SCAF8: variants seen among roughly 807,000 people sequenced by gnomAD.
SCAF8 encodes the protein SR-related and CTD-associated factor 8.
Under a neutral mutation model 140.5 loss-of-function variants are expected in SCAF8, and 23 were observed. The observed-to-expected ratio is 0.16, with a 90% CI of 0.12 to 0.23. The LOEUF (loss-of-function observed/expected upper bound fraction) is 0.23. SCAF8 is among the 10% of genes least tolerant of loss of function. The pLI is 1.00. For synonymous variants in SCAF8, 575 were observed against 528.9 expected, an observed-to-expected ratio of 1.09 and a Z score of -1.20; for missense variants, 1,397 against 1,555.7, an observed-to-expected ratio of 0.90 and a Z score of 1.72.
Position 154,832,433 on chromosome 6 carries a change from A to G in SCAF8, c.2854A>G (p.Ile952Val), listed in dbSNP as rs911415085. 5.0e-6 allele frequency: 8 copies of G among 1,614,108 alleles called. No homozygotes were observed. Among genetic ancestry groups the G allele is most frequent in the Non-Finnish European group, 6.8e-6 (8 of 1,179,990 alleles). Residue 952 changes from isoleucine to valine, a missense_variant, in exon 20 of 20, where the codon ATC becomes GTC. Coordinates refer to ENST00000367178, the MANE Select transcript of SCAF8 (RefSeq NM_014892.5). ...GCCTGGAATTCCACCCCAACGGGGA[A>G]TCCCACCCCCATCGGTACTTGATTC... ...IQPGIPPQRG[I>V]PPPSVLDSAL...
chr6:154,736,233 TGTG>T (rs989451992), intron 1 of SCAF8, among the ~76,000 whole-genome samples: 75 of 150,492 alleles, frequency 5.0e-4, no homozygotes, highest in East Asian at 3.0e-3. Context: ...TTCCTAATAA[TGTG>T]GTCCTCCCCC....
chr6:154,814,985 C>T (rs905312933), intron 12 of SCAF8, among the ~76,000 whole-genome samples: 1 of 152,258 alleles, frequency 6.6e-6, no homozygotes, highest in South Asian at 2.1e-4. Flanking sequence ...CTTAATCCTT[C>T]CAGTACAGAA....
In SCAF8 at chr6:154,833,593, C is replaced by CT. The variant is rs1221315779; in HGVS notation, c.*207dup. 3.5e-4 allele frequency: 154 copies of CT among 441,030 alleles called. No homozygotes were observed. Among genetic ancestry groups the CT allele is most frequent in the South Asian group, 6.6e-4 (9 of 13,568 alleles). The allele number at this position is 441,030 out of a possible 1,614,324, so 27.3% of individuals were successfully genotyped here. A position where few individuals can be genotyped will look rare whatever the true frequency, so the allele number is the denominator to read the frequency against. Reference sequence around the variant, plus strand: ...TCTTAATATGAACATGGTAGGTAAACTTTTTTTTTATTTTTTTCTGATAAA... The same window carrying CT: ...TCTTAATATGAACATGGTAGGTAAACTTTTTTTTTTATTTTTTTCTGATAAA... On this transcript the variant is annotated 3_prime_UTR_variant, in exon 20 of 20. Coordinates refer to ENST00000367178, the MANE Select transcript of SCAF8 (RefSeq NM_014892.5).
chr6:154,832,800 C>T lies in SCAF8; in HGVS notation c.3221C>T (p.Pro1074Leu), dbSNP rs1397990578. 12 of 1,613,642 alleles carry T rather than the reference C, an allele frequency of 7.4e-6. No individual in the cohort carries two copies. Among genetic ancestry groups the T allele is most frequent in the Non-Finnish European group, 1.0e-5 (12 of 1,179,952 alleles). ...GATATAAGAGAGAATCTTGTGAGGC[C>T]AGGTATAGATCATCTTGGTCGAAGA... ...PVDIRENLVRPGIDHLGRRDH... is the reference protein window; with the variant it reads ...PVDIRENLVRLGIDHLGRRDH... The change falls in exon 20 of 20, where the codon CCA becomes CTA. Residue 1074 changes from proline (P) to leucine (L), a missense_variant. Pro to Leu is a moderately conservative substitution (Grantham distance 98). Around this residue, in one of 5 missense-constraint regions of SCAF8, gnomAD observed 930 missense variants for 874.6 expected, o/e 1.06. Coordinates refer to ENST00000367178, the MANE Select transcript of SCAF8 (RefSeq NM_014892.5).
chr6:154,781,377 A>G (rs150000946), intron 3 of SCAF8, among the ~76,000 whole-genome samples: 3 of 152,206 alleles, frequency 2.0e-5, no homozygotes, highest in Non-Finnish European at 2.9e-5. Flanking sequence ...ATCCTCATGG[A>G]TAGGAAGAAT....
intron 13 of SCAF8, 63 bp from the exon 14 acceptor site, chr6:154,818,416 C>G: frequency 3.8e-6 from 3 of 791,280 alleles, no homozygotes; most frequent in Non-Finnish European, 6.0e-6. Context: ...GTCATTTAAA[C>G]CATAAAATAC....
intron 2 of SCAF8, among the ~76,000 whole-genome samples, chr6:154,776,454 A>G (rs544725402): frequency 2.6e-4 from 39 of 152,252 alleles, no homozygotes; most frequent in African/African-American, 8.9e-4. Flanking sequence ...CAGAAAACCT[A>G]TTGTGGAAGA....
At chr6:154,763,830 G>C (rs1452300185) in intron 1 of SCAF8, among the ~76,000 whole-genome samples, 3 of 152,112 alleles carry the variant, frequency 2.0e-5, no homozygotes, top group African/African-American at 4.8e-5. Flanking sequence ...AGTTCTGTTG[G>C]AACACACTGT....
At chr6:154,789,118 A>AT (rs988920919) in intron 4 of SCAF8, among the ~76,000 whole-genome samples, 1 of 152,048 alleles carries the variant, frequency 6.6e-6, no homozygotes, top group Non-Finnish European at 1.5e-5. Context: ...AAATTTATTT[A>AT]TTTTTTTGAG....
chr6:154,811,194 C>G (rs992980320), intron 12 of SCAF8, among the ~76,000 whole-genome samples: 1 of 152,128 alleles, frequency 6.6e-6, no homozygotes, highest in East Asian at 1.9e-4. Context: ...TACATCTAAA[C>G]ATTTTAGTGC....
intron 6 of SCAF8, among the ~76,000 whole-genome samples, chr6:154,796,480 T>C (rs1360397262): frequency 6.6e-6 from 1 of 152,110 alleles, no homozygotes; most frequent in East Asian, 1.9e-4. Context: ...TGCTTTGAAG[T>C]GTAAACTATT....
chr6:154,760,309 A>C, intron 1 of SCAF8, among the ~76,000 whole-genome samples: 1 of 152,110 alleles, frequency 6.6e-6, no homozygotes, highest in East Asian at 1.9e-4. Context: ...AGATAAAATA[A>C]AATTCTGGCT....
rs150653156 is a variant in SCAF8 at position 154,749,693 on chromosome 6, G to A, written c.30+15763G>A. Among the ~76,000 whole-genome samples, 1,013 of 152,178 alleles carry A rather than the reference G, an allele frequency of 6.7e-3. 12 individuals carry two copies. Among genetic ancestry groups the A allele is most frequent in the African/African-American group, 0.023 (966 of 41,502 alleles). On this transcript the variant is annotated intron_variant, in intron 1 of 19. Transcript: ENST00000367178. ...GGTAGGGGATAGGGTAGGGAGGAGT[G>A]ATTGGATAATTGAGCCTGGGTTTTC...
chr6:154,774,482 T>G (rs1283121315), intron 2 of SCAF8, among the ~76,000 whole-genome samples: 42 of 152,238 alleles, frequency 2.8e-4, no homozygotes, highest in Admixed American at 2.7e-3. Context: ...GATAATATTT[T>G]GCATATATCC....
At chr6:154,811,300 T>C (rs1318381142) in intron 12 of SCAF8, among the ~76,000 whole-genome samples, 1 of 152,214 alleles carries the variant, frequency 6.6e-6, no homozygotes, top group Non-Finnish European at 1.5e-5. Context: ...AATTATCTAT[T>C]TATTTGCCAT....
At position 154,812,199 on chromosome 6, in the gene SCAF8, T is replaced by TAA. The variant is rs796917892; in HGVS notation, c.1420+1993_1420+1994dup. Among the ~76,000 whole-genome samples, 272 of 125,430 alleles carry TAA rather than the reference T, an allele frequency of 2.2e-3. 1 individual carries two copies. The highest frequency in any genetic ancestry group is 3.1e-3 in the Non-Finnish European group (196 of 63,560). 82.3% of individuals were successfully genotyped at this position (125,430 alleles called of 152,430 possible). On this transcript the variant is annotated intron_variant, in intron 12 of 19. Transcript: ENST00000367178. ...GCCTTTTTTTTTTTTTTTTTTTTTTTAAATAGGTTGAAGGGTTGTGACCAC... is the reference window on the plus strand; with the variant it reads ...GCCTTTTTTTTTTTTTTTTTTTTTTTAAAAATAGGTTGAAGGGTTGTGACCAC...
At position 154,831,033 on chromosome 6, in the gene SCAF8, T is replaced by A. The variant is rs1370368343; in HGVS notation, c.2252T>A (p.Leu751Gln). 1.2e-6 allele frequency: 2 copies of A among 1,614,092 alleles called. No homozygotes were observed. The highest frequency in any genetic ancestry group is 3.3e-5 in the Admixed American group (2 of 60,012). ...SVASNLATSA[L>Q]PAGNVFNAPT... ...GCCAGCAATCTTGCTACTTCCGCTC[T>A]GCCAGCTGGAAATGTTTTTAATGCT... Residue 751 changes from leucine (L) to glutamine (Q), a missense_variant, in exon 19 of 20, where the codon CTG becomes CAG. By Grantham distance (113) the Leu-to-Gln change is moderately radical. Coordinates refer to ENST00000367178, the MANE Select transcript of SCAF8 (RefSeq NM_014892.5).
Position 154,787,921 on chromosome 6 carries a change from C to T in SCAF8, c.220C>T (p.Arg74Ter). Residue 74 changes from arginine (R) to a stop codon, truncating the protein, a stop_gained, in exon 4 of 20, where the codon CGA becomes TGA. Transcript: ENST00000367178. LOFTEE classifies it high-confidence loss of function. ...TATTGACTCCATTGTGCGACAATCC[C>T]GACATCAGTTTGGTCAAGAAAAGGA... is the stretch of plus-strand genomic sequence containing the variant. ...YVIDSIVRQSRHQFGQEKDVF... is the reference protein window; with the variant it reads ...YVIDSIVRQS 1 of 1,613,578 alleles carries T rather than the reference C, an allele frequency of 6.2e-7. No individual in the cohort carries two copies. The highest frequency in any genetic ancestry group is 8.5e-7 in the Non-Finnish European group (1 of 1,179,668).
intron 1 of SCAF8, among the ~76,000 whole-genome samples, chr6:154,737,539 G>A (rs1778456050): frequency 6.6e-6 from 1 of 152,078 alleles, no homozygotes; most frequent in African/African-American, 2.4e-5. Flanking sequence ...ACACAAATTA[G>A]CTGGTCACGG....
Sources: allele counts gnomAD v4.1 joint callset (sites outside exome capture counted in the v4.1 genomes callset), GRCh38; gene constraint gnomAD v4.1.1; regional missense constraint gnomAD v4.1.1; transcripts MANE v1.5; gene names NCBI Gene and HGNC (gene_info 2026-07-23, HGNC 2026-07-21).